Variants in USP25 observed in about 807,000 individuals in gnomAD.
The protein encoded by USP25 is ubiquitin carboxyl-terminal hydrolase 25.
Under a neutral mutation model 158.5 loss-of-function variants are expected in USP25, and 85 were observed. The observed-to-expected ratio is 0.54, with a 90% CI of 0.45 to 0.64. The LOEUF (loss-of-function observed/expected upper bound fraction) is 0.64, where lower values mean the gene tolerates loss of function less well. Ranked by LOEUF, USP25 falls within the 30% of genes least tolerant of loss-of-function variation. The pLI is 0.00. For synonymous variants in USP25, 464 were observed against 460.4 expected (o/e 1.01, Z -0.10); for missense variants, 1,242 against 1,327.3 (o/e 0.94, Z 1.00).
chr21:15,849,637 A>G lies in USP25; in HGVS notation c.2452-140A>G, dbSNP rs549385792. 29 of 612,808 alleles carry G rather than the reference A, an allele frequency of 4.7e-5. No individual in the cohort carries two copies. The East Asian group carries it at 5.1e-4, about 11-fold the overall frequency. 38.0% of individuals were successfully genotyped at this position (612,808 alleles called of 1,614,324 possible). A position where few individuals can be genotyped will look rare whatever the true frequency, so the allele number is the denominator to read the frequency against. The stretch of plus-strand genomic sequence containing the variant: ...ATGGATGATCTTAAAAGGTGCTTAC[A>G]TGCATATTGGATTAAATTTGGTATT... On this transcript the variant is annotated intron_variant, in intron 19 of 25. Coordinates refer to ENST00000400183, the MANE Select transcript of USP25 (RefSeq NM_001283041.3).
rs1049956842 is a variant in USP25, at chr21:15,875,536, ATTGT to A, written c.3009+1016_3009+1019del. On this transcript the variant is annotated intron_variant, in intron 24 of 25. Coordinates refer to ENST00000400183, the MANE Select transcript of USP25 (RefSeq NM_001283041.3). The surrounding 1 kb of genome is among the most constrained non-coding windows in gnomAD (Gnocchi z 4.7). Reference sequence around the variant, plus strand: ...AAAACTCAGTCTGGTAGGAGACATAATTGTTTGTTCTGGAATAAGTGCCATTATG... The same window carrying A: ...AAAACTCAGTCTGGTAGGAGACATAATTGTTCTGGAATAAGTGCCATTATG... Among the ~76,000 whole-genome samples the A allele has an allele frequency of 1.9e-4, 29 of 152,334 alleles. No homozygotes were observed. Among genetic ancestry groups the A allele is most frequent in the African/African-American group, 6.5e-4 (27 of 41,574 alleles).
intron 1 of USP25, among the ~76,000 whole-genome samples, chr21:15,741,693 A>C (rs1445333426): frequency 6.6e-6 from 1 of 152,204 alleles, no homozygotes; most frequent in African/African-American, 2.4e-5. Flanking sequence ...ACACGATAGG[A>C]ATCACAGTAG....
At chr21:15,853,308 GGTACACACAT>G (rs1473130144) in intron 20 of USP25, among the ~76,000 whole-genome samples, 4 of 151,414 alleles carry the variant, frequency 2.6e-5, no homozygotes, top group African/African-American at 4.9e-5. Context: ...TGTACACACA[GGTACACACAT>G]GTACACGCAC....
intron 5 of USP25, among the ~76,000 whole-genome samples, chr21:15,793,130 G>C (rs751664774): frequency 2.6e-5 from 4 of 151,594 alleles, no homozygotes; most frequent in Non-Finnish European, 4.4e-5. Flanking sequence ...TTTGCTGCCT[G>C]TGTTTGGTCA....
chr21:15,795,531 T>C (rs2035818072), intron 5 of USP25, among the ~76,000 whole-genome samples: 1 of 151,598 alleles, frequency 6.6e-6, no homozygotes. Context: ...TGATTCTTTG[T>C]GGTTTAAGCA....
intron 1 of USP25, among the ~76,000 whole-genome samples, chr21:15,745,965 C>T (rs74521442): frequency 0.027 from 4,156 of 152,218 alleles, 195 homozygotes; most frequent in African/African-American, 0.092. Flanking sequence ...AAAAAGCTGT[C>T]CTTTCATCAT....
chr21:15,753,019 T>A (rs2033134794), intron 1 of USP25, among the ~76,000 whole-genome samples: 1 of 152,036 alleles, frequency 6.6e-6, no homozygotes, highest in Non-Finnish European at 1.5e-5. Flanking sequence ...TCAGTAGGAG[T>A]TTTACTACTT....
chr21:15,818,660 GCCATATTGAGTATT>G, intron 9 of USP25, 24 bp from the exon 10 acceptor site: 1 of 1,566,042 alleles, frequency 6.4e-7, no homozygotes, highest in Non-Finnish European at 8.7e-7. Context: ...TAGCCAGAAG[GCCATATTGAGTATT>G]ATTAATTTTC....
intron 20 of USP25, among the ~76,000 whole-genome samples, chr21:15,850,293 T>C (rs2038826461): frequency 6.6e-6 from 1 of 152,032 alleles, no homozygotes; most frequent in Admixed American, 6.6e-5. Flanking sequence ...GGTACTAAAT[T>C]GCTTTTTCGT....
intron 1 of USP25, among the ~76,000 whole-genome samples, chr21:15,739,068 G>A (rs950932125): frequency 1.3e-5 from 2 of 152,134 alleles, no homozygotes; most frequent in East Asian, 1.9e-4. Flanking sequence ...GCCCCCAGCC[G>A]AATAAACCCC....
chr21:15,802,478 T>C (rs2146259957), intron 6 of USP25, among the ~76,000 whole-genome samples: 1 of 151,466 alleles, frequency 6.6e-6, no homozygotes, highest in Non-Finnish European at 1.5e-5. Flanking sequence ...AAGGTAGAAA[T>C]CAACAACAGA....
chr21:15,738,368 A>T (rs1221642159), intron 1 of USP25, among the ~76,000 whole-genome samples: 1 of 152,204 alleles, frequency 6.6e-6, no homozygotes, highest in Non-Finnish European at 1.5e-5. Context: ...TTGAATCTGT[A>T]GATCCATTTG....
intron 1 of USP25, among the ~76,000 whole-genome samples, chr21:15,730,724 T>A (rs2030740010): frequency 1.3e-5 from 2 of 152,248 alleles, no homozygotes; most frequent in Admixed American, 1.3e-4. Context: ...TACAGTGCTC[T>A]GTGTGGCATC....
In USP25 at chr21:15,860,975, T is replaced by TATAGAGAG. The variant is rs910137325; in HGVS notation, c.2548-3292_2548-3291insTAGAGAGA. The stretch of plus-strand genomic sequence containing the variant: ...CTTCATATATATATATATATATATA[T>TATAGAGAG]AGAGAGAGAGAGAGAGAGAGTTTAC... On this transcript the variant is annotated intron_variant, in intron 20 of 25. Transcript: ENST00000400183. Among the ~76,000 whole-genome samples, 227 of 140,650 alleles carry TATAGAGAG rather than the reference T, an allele frequency of 1.6e-3. 1 individual carries two copies. Among genetic ancestry groups the TATAGAGAG allele is most frequent in the Admixed American group, 1.7e-3 (23 of 13,888 alleles). The allele number at this position is 140,650 out of a possible 152,430, so 92.3% of individuals were successfully genotyped here.
intron 18 of USP25, among the ~76,000 whole-genome samples, chr21:15,845,525 A>G (rs1211943051): frequency 1.3e-5 from 2 of 152,168 alleles, no homozygotes; most frequent in Non-Finnish European, 2.9e-5. Flanking sequence ...CATGTATTTA[A>G]TCAGCATTAT....
At chr21:15,801,496 A>G (rs968078589) in intron 6 of USP25, among the ~76,000 whole-genome samples, 18 of 151,546 alleles carry the variant, frequency 1.2e-4, no homozygotes, top group African/African-American at 4.1e-4. Flanking sequence ...TTATTCCACA[A>G]ATGTGACTCT....
chr21:15,772,664 G>A (rs776659943), intron 3 of USP25, among the ~76,000 whole-genome samples: 21 of 152,280 alleles, frequency 1.4e-4, no homozygotes, highest in Non-Finnish European at 2.5e-4. Flanking sequence ...ATATCTGAGC[G>A]CTAGTTTTTA....
At chr21:15,735,056 G>C (rs566898379) in intron 1 of USP25, among the ~76,000 whole-genome samples, 29 of 152,174 alleles carry the variant, frequency 1.9e-4, no homozygotes, top group Non-Finnish European at 3.8e-4. Flanking sequence ...TTAAGGGTTG[G>C]ATAAACTCAA....
intron 1 of USP25, among the ~76,000 whole-genome samples, chr21:15,748,794 T>C (rs758317617): frequency 6.6e-6 from 1 of 152,196 alleles, no homozygotes; most frequent in Non-Finnish European, 1.5e-5. Context: ...TGGCAGTGTT[T>C]TGCAGAAGCT....
Sources: allele counts gnomAD v4.1 joint callset (sites outside exome capture counted in the v4.1 genomes callset), GRCh38; gene constraint gnomAD v4.1.1; non-coding constraint Gnocchi (gnomAD v3.1); transcripts MANE v1.5; gene names NCBI Gene and HGNC (gene_info 2026-07-23, HGNC 2026-07-21).